The following RBFOX1 variants were observed in gnomAD, a reference collection of about 807,000 sequenced individuals.
RBFOX1 encodes the protein RNA binding fox-1 homolog 1, also known as RNA binding protein fox-1 homolog 1.
RBFOX1 carries 8 observed loss-of-function variants against 57.7 expected under a neutral mutation model. The observed-to-expected ratio is 0.14, with a 90% CI of 0.08 to 0.25. The LOEUF (loss-of-function observed/expected upper bound fraction) is 0.25, where lower values mean the gene tolerates loss of function less well. Among genes scored for constraint, RBFOX1 ranks in the 10% least tolerant of loss-of-function variants. RBFOX1 has a pLI of 1.00. For synonymous variants in RBFOX1, 326 were observed against 222.4 expected, an observed-to-expected ratio of 1.47 and a Z score of -4.15; for missense variants, 611 against 548.5, an observed-to-expected ratio of 1.11 and a Z score of -1.14.
chr16:6,595,434 C>T (rs528943181), intron 2 of RBFOX1, among the ~76,000 whole-genome samples: 69 of 152,222 alleles, frequency 4.5e-4, no homozygotes, highest in Non-Finnish European at 8.1e-4. Context: ...TATAAATATA[C>T]GACGTTGTGT....
chr16:7,674,988 C>G (rs1257255772), intron 13 of RBFOX1, among the ~76,000 whole-genome samples: 1 of 152,180 alleles, frequency 6.6e-6, no homozygotes, highest in East Asian at 1.9e-4. Flanking sequence ...GCTGCAAATA[C>G]TTTTTCTTGT....
intron 3 of RBFOX1, among the ~76,000 whole-genome samples, chr16:5,669,191 A>T (rs1446905660): frequency 6.6e-6 from 1 of 152,040 alleles, no homozygotes; most frequent in Non-Finnish European, 1.5e-5. Context: ...TGCTCTAATG[A>T]TGCCTCGAGG....
At chr16:6,833,355 C>T (rs942703058) in intron 3 of RBFOX1, among the ~76,000 whole-genome samples, 5 of 139,150 alleles carry the variant, frequency 3.6e-5, no homozygotes, top group African/African-American at 2.9e-5. Context: ...TTAGTAGAGA[C>T]AGGGTTTCAC....
chr16:6,072,861 G>A (rs1382337169), intron 1 of RBFOX1, among the ~76,000 whole-genome samples: 2 of 152,132 alleles, frequency 1.3e-5, no homozygotes, highest in African/African-American at 4.8e-5. Context: ...ATTTTTGGAT[G>A]TGAAAGATAG....
At chr16:6,820,302 C>G (rs1298854976) in intron 3 of RBFOX1, among the ~76,000 whole-genome samples, 2 of 152,118 alleles carry the variant, frequency 1.3e-5, no homozygotes, top group African/African-American at 4.8e-5. Flanking sequence ...TGAAAATAGA[C>G]TAATACGTCC....
At chr16:7,405,703 G>C (rs975245551) in intron 4 of RBFOX1, among the ~76,000 whole-genome samples, 13 of 152,200 alleles carry the variant, frequency 8.5e-5, no homozygotes, top group African/African-American at 2.9e-4. Flanking sequence ...CCTGTGGTCA[G>C]CCTTCCCTGT....
At chr16:7,509,426 GTGTGTC>G (rs1555531506) in intron 4 of RBFOX1, among the ~76,000 whole-genome samples, 21 of 146,490 alleles carry the variant, frequency 1.4e-4, no homozygotes, top group Middle Eastern at 3.4e-3. Context: ...GTGTGTGTGT[GTGTGTC>G]TGTGTCTGTG....
chr16:5,720,237 T>C (rs2051878876), intron 3 of RBFOX1, among the ~76,000 whole-genome samples: 1 of 152,228 alleles, frequency 6.6e-6, no homozygotes, highest in Admixed American at 6.5e-5. Flanking sequence ...GAGACATGCC[T>C]GTTCAGATTC....
chr16:6,766,620 A>C (rs2154207696), intron 3 of RBFOX1, among the ~76,000 whole-genome samples: 1 of 152,088 alleles, frequency 6.6e-6, no homozygotes, highest in African/African-American at 2.4e-5. Flanking sequence ...CTCACAGTCA[A>C]GCTAGTGCTA....
At chr16:6,785,770 A>T (rs578205576) in intron 3 of RBFOX1, among the ~76,000 whole-genome samples, 5 of 152,320 alleles carry the variant, frequency 3.3e-5, no homozygotes, top group African/African-American at 9.6e-5. Context: ...TTTCCAGATG[A>T]GGATACCAAA....
chr16:7,048,832 C>G (rs534191923), intron 3 of RBFOX1, among the ~76,000 whole-genome samples: 1 of 152,190 alleles, frequency 6.6e-6, no homozygotes, highest in South Asian at 2.1e-4. Flanking sequence ...GACTCTAGGT[C>G]TTGTTTAAAA....
At chr16:6,340,368 C>G (rs1023889833) in intron 2 of RBFOX1, among the ~76,000 whole-genome samples, 1 of 152,026 alleles carries the variant, frequency 6.6e-6, no homozygotes, top group Non-Finnish European at 1.5e-5. Context: ...TCTTGGATCT[C>G]AAGCAAGAAG....
intron 4 of RBFOX1, among the ~76,000 whole-genome samples, chr16:7,057,029 G>GAAA (rs36083057): frequency 2.0e-3 from 273 of 136,596 alleles, no homozygotes; most frequent in African/African-American, 5.1e-3. Flanking sequence ...TTAAAGCACT[G>GAAA]AAAAAAAAAA....
At chr16:6,024,172 G>A (rs1567280181) in intron 1 of RBFOX1, among the ~76,000 whole-genome samples, 1 of 152,146 alleles carries the variant, frequency 6.6e-6, no homozygotes, top group Non-Finnish European at 1.5e-5. Flanking sequence ...AGAAGAGTGT[G>A]TTGTCTTAGG....
intron 3 of RBFOX1, among the ~76,000 whole-genome samples, chr16:5,700,891 C>G (rs1418003757): frequency 6.6e-6 from 1 of 152,178 alleles, no homozygotes; most frequent in African/African-American, 2.4e-5. Context: ...ACTCCAGGAG[C>G]TGAGCATGCT....
In RBFOX1 at chr16:7,483,771, C is replaced by T. The variant is rs539770495; in HGVS notation, c.28-34376C>T. The stretch of plus-strand genomic sequence containing the variant: ...ATGGCTTTGCATCCAGAGTTAAAAG[C>T]CAGGCCTGGGAATAATTAAAATACT... On this transcript the variant is annotated intron_variant, in intron 4 of 15. Transcript: ENST00000550418. Among the ~76,000 whole-genome samples, 74 of 152,298 alleles carry T rather than the reference C, an allele frequency of 4.9e-4. 4 individuals are homozygous for T. Among genetic ancestry groups the T allele is most frequent in the Admixed American group, 2.6e-3 (40 of 15,294 alleles).
At chr16:5,545,774 C>G (rs564770164) in intron 2 of RBFOX1, among the ~76,000 whole-genome samples, 3 of 152,060 alleles carry the variant, frequency 2.0e-5, no homozygotes, top group South Asian at 2.1e-4. Context: ...TGCTTAAGAT[C>G]GGGAACAAGA....
At chr16:7,519,040 A>G (rs1417058760) in intron 5 of RBFOX1, among the ~76,000 whole-genome samples, 1 of 152,190 alleles carries the variant, frequency 6.6e-6, no homozygotes, top group Admixed American at 6.5e-5. Flanking sequence ...ACAAAAATAA[A>G]GTCTTTGTGG....
intron 1 of RBFOX1, among the ~76,000 whole-genome samples, chr16:6,170,691 C>G (rs1023933506): frequency 2.6e-5 from 4 of 151,944 alleles, no homozygotes; most frequent in Non-Finnish European, 4.4e-5. Flanking sequence ...ATTTCATCAC[C>G]CAAGTACTAA....
Sources: gnomAD v4.1 joint callset for allele counts (sites outside exome capture counted in the v4.1 genomes callset) on GRCh38, gnomAD v4.1.1 for gene constraint, MANE v1.5 for transcripts, NCBI Gene and HGNC (gene_info 2026-07-23, HGNC 2026-07-21) for gene names.